STAT5B: variants seen among roughly 807,000 people sequenced by gnomAD.
The protein encoded by STAT5B is transcription factor STAT5B.
STAT5B carries 21 observed loss-of-function variants against 107.8 expected under a neutral mutation model. The observed-to-expected ratio is 0.19, with a 90% CI of 0.14 to 0.28. The LOEUF is 0.28. STAT5B is among the 10% of genes least tolerant of loss of function. STAT5B has a pLI of 1.00. For missense variants in STAT5B, 565 were observed against 1,008.2 expected (o/e 0.56, Z 5.95); for synonymous variants, 325 against 401.7 (o/e 0.81, Z 2.28).
intron 8 of STAT5B, 48 bp from the exon 9 acceptor site, chr17:42,218,378 G>C (rs1476464762): frequency 1.3e-6 from 2 of 1,596,056 alleles, no homozygotes; most frequent in African/African-American, 1.3e-5. Context: ...TGGTGCAGGG[G>C]AAAGGGCTCT....
At chr17:42,229,699 C>T (rs1398935733) in intron 2 of STAT5B, among the ~76,000 whole-genome samples, 5 of 151,338 alleles carry the variant, frequency 3.3e-5, no homozygotes, top group South Asian at 4.2e-4. Flanking sequence ...GATGAAACCC[C>T]GTCTCTATTA....
chr17:42,280,834 T>G (rs941710372), upstream of STAT5B, among the ~76,000 whole-genome samples: 1 of 152,144 alleles, frequency 6.6e-6, no homozygotes, highest in Non-Finnish European at 1.5e-5. Context: ...ATCCCAGCTC[T>G]GCTAACTTAC....
intron 9 of STAT5B, 174 bp from the exon 10 acceptor site, chr17:42,217,638 C>T: frequency 1.5e-6 from 1 of 661,894 alleles, no homozygotes; most frequent in Non-Finnish European, 2.6e-6. Context: ...CGTATCTCTA[C>T]AAAATGAAAC....
At chr17:42,285,080 C>T in the STAT5B span, among the ~76,000 whole-genome samples, 20 of 145,656 alleles carry the variant, frequency 1.4e-4, no homozygotes, top group African/African-American at 4.8e-4. Flanking sequence ...GAATATATTG[C>T]TTTTTTTTTT....
chr17:42,252,290 C>A (rs1259522747), intron 1 of STAT5B, among the ~76,000 whole-genome samples: 3 of 152,128 alleles, frequency 2.0e-5, no homozygotes, highest in Non-Finnish European at 2.9e-5. Context: ...ATATTTGTAT[C>A]CAATGTCTTT....
In STAT5B at chr17:42,230,869, C is replaced by A. The variant is rs545734328; in HGVS notation, c.128+1131G>T. Among the ~76,000 whole-genome samples the A allele has an allele frequency of 5.3e-5, 8 of 152,196 alleles. No individual in the cohort carries two copies. In the East Asian group the frequency reaches 1.5e-3, roughly 29 times the overall value. Reference sequence around the variant, plus strand: ...TAGAGATGGGATTTTGCCATGTTGGCCAGGCTTGTCTCAGAACTCCTGGCC... The same window carrying A: ...TAGAGATGGGATTTTGCCATGTTGGACAGGCTTGTCTCAGAACTCCTGGCC... On this transcript the variant is annotated intron_variant, in intron 2 of 18. Coordinates refer to ENST00000293328, the MANE Select transcript of STAT5B (RefSeq NM_012448.4).
intron 1 of STAT5B, among the ~76,000 whole-genome samples, chr17:42,251,332 C>A (rs2080497885): frequency 6.6e-6 from 1 of 152,162 alleles, no homozygotes; most frequent in Non-Finnish European, 1.5e-5. Context: ...ATTAGCAATG[C>A]AACATTTCCT....
chr17:42,224,298 C>G (rs140015518), intron 4 of STAT5B, among the ~76,000 whole-genome samples: 3 of 152,010 alleles, frequency 2.0e-5, no homozygotes, highest in Non-Finnish European at 4.4e-5. Flanking sequence ...TGGTTGCAAT[C>G]TCATCAAGGT....
At chr17:42,263,200 A>T (rs1241607521) in intron 1 of STAT5B, among the ~76,000 whole-genome samples, 1 of 150,022 alleles carries the variant, frequency 6.7e-6, no homozygotes, top group Non-Finnish European at 1.5e-5. Context: ...AATTCTCCAT[A>T]AGCTTCTGTG....
chr17:42,273,152 T>C (rs935229788), intron 1 of STAT5B, among the ~76,000 whole-genome samples: 1 of 152,186 alleles, frequency 6.6e-6, no homozygotes, highest in Admixed American at 6.5e-5. Flanking sequence ...GGAAACTAGA[T>C]TGTTAAGTTT....
Position 42,215,954 on chromosome 17 carries a change from A to C in STAT5B, c.1473+60T>G, listed in dbSNP as rs562754268. On this transcript the variant is annotated intron_variant, in intron 12 of 18. Coordinates refer to ENST00000293328, the MANE Select transcript of STAT5B (RefSeq NM_012448.4). ...ATGCTTTTTAAAAGGATAATACATA[A>C]ATGAGATTCATGACACCGGCATTGA... 17 of 1,558,668 alleles carry C rather than the reference A, an allele frequency of 1.1e-5. No homozygotes were observed. In the African/African-American group the frequency reaches 1.5e-4, roughly 14 times the overall value.
chr17:42,202,151 A>G (rs1007438907), intron 18 of STAT5B, 189 bp downstream of exon 18: 3 of 707,832 alleles, frequency 4.2e-6, no homozygotes, highest in Non-Finnish European at 7.2e-6. Flanking sequence ...CATTTGCCCA[A>G]CCCGACTCTA....
At chr17:42,250,146 G>A (rs1352917182) in intron 1 of STAT5B, among the ~76,000 whole-genome samples, 1 of 152,160 alleles carries the variant, frequency 6.6e-6, no homozygotes, top group African/African-American at 2.4e-5. Context: ...AAACTTGCGA[G>A]AAAATGTTAC....
rs1171088108 is a variant in STAT5B, at chr17:42,224,724, A to C, written c.375+55T>G. On this transcript the variant is annotated intron_variant, in intron 4 of 18. Coordinates refer to ENST00000293328, the MANE Select transcript of STAT5B (RefSeq NM_012448.4). Reference sequence around the variant, plus strand: ...CCTTGACAAAGGTGGGTCCAGAGGGAGGTGGGTAAGAAAAGACTTCCCGAC... The same window carrying C: ...CCTTGACAAAGGTGGGTCCAGAGGGCGGTGGGTAAGAAAAGACTTCCCGAC... The C allele has an allele frequency of 5.1e-6, 8 of 1,568,466 alleles. No homozygotes were observed. In the South Asian group the frequency reaches 8.9e-5, roughly 17 times the overall value.
intron 16 of STAT5B, among the ~76,000 whole-genome samples, chr17:42,203,313 A>G (rs1360821768): frequency 6.6e-6 from 1 of 152,166 alleles, no homozygotes; most frequent in Non-Finnish European, 1.5e-5. Context: ...GAAATTCAAG[A>G]TATCTTCCAA....
chr17:42,277,176 G>A (rs1283382065), upstream of STAT5B, among the ~76,000 whole-genome samples: 1 of 152,350 alleles, frequency 6.6e-6, no homozygotes, highest in East Asian at 1.9e-4. Context: ...GGTTGCGGTT[G>A]TGGGAAGCCA....
intron 1 of STAT5B, among the ~76,000 whole-genome samples, chr17:42,266,292 C>A (rs1012021071): frequency 6.6e-6 from 1 of 151,956 alleles, no homozygotes; most frequent in African/African-American, 2.4e-5. Context: ...ACTCTGGAGG[C>A]TGAGGTGGGA....
At chr17:42,214,391 G>T in intron 12 of STAT5B, 1 of 985,014 alleles carries the variant, frequency 1.0e-6, no homozygotes. Context: ...TTCTGATTCA[G>T]AGTTTGTAAG....
chr17:42,246,975 G>A (rs1393765759), intron 1 of STAT5B, among the ~76,000 whole-genome samples: 1 of 152,178 alleles, frequency 6.6e-6, no homozygotes, highest in Non-Finnish European at 1.5e-5. Context: ...AACAGAACCG[G>A]GGAGAAATCT....
Sources: gnomAD v4.1 joint callset for allele counts (sites outside exome capture counted in the v4.1 genomes callset) on GRCh38, gnomAD v4.1.1 for gene constraint, MANE v1.5 for transcripts, NCBI Gene and HGNC (gene_info 2026-07-23, HGNC 2026-07-21) for gene names.